RAB3GAP1: variants seen among roughly 807,000 people sequenced by gnomAD.
The protein encoded by RAB3GAP1 is rab3 GTPase-activating protein catalytic subunit.
In RAB3GAP1, 86 loss-of-function variants were observed where a neutral mutation model predicts 130.7. The ratio of observed to expected loss-of-function variants is 0.66; its 90% CI spans 0.55 to 0.79. RAB3GAP1 has a LOEUF of 0.79. Ranked by LOEUF, RAB3GAP1 falls within the 30% of genes least tolerant of loss-of-function variation. RAB3GAP1 has a pLI of 0.00. For synonymous variants in RAB3GAP1, 367 were observed against 401.7 expected (o/e 0.91, Z 1.03); for missense variants, 1,029 against 1,169.4 (o/e 0.88, Z 1.75).
chr2:135,099,632 T>C (rs1443860416), intron 5 of RAB3GAP1, among the ~76,000 whole-genome samples: 1 of 152,122 alleles, frequency 6.6e-6, no homozygotes, highest in East Asian at 1.9e-4. Context: ...TGTTCTCTTT[T>C]ATTTTCTTTG....
Position 135,109,696 on chromosome 2 carries a change from C to T in RAB3GAP1, c.363-3455C>T, listed in dbSNP as rs188900728. On this transcript the variant is annotated intron_variant, in intron 5 of 23. Transcript: ENST00000264158. ...TCCTGGGTTCACGCCATTCTCCTGC[C>T]TCAGCCTCCTGAGTAGCTGGGACTA... is the stretch of plus-strand genomic sequence containing the variant. Among the ~76,000 whole-genome samples the T allele has an allele frequency of 1.9e-3, 294 of 152,176 alleles. 3 individuals are homozygous for T. The highest frequency in any genetic ancestry group is 6.7e-3 in the African/African-American group (280 of 41,528).
chr2:135,124,292 T>G (rs200651268), intron 9 of RAB3GAP1, 46 bp downstream of exon 9: 1 of 1,513,398 alleles, frequency 6.6e-7, no homozygotes, highest in South Asian at 1.1e-5. Flanking sequence ...TATTTTACTT[T>G]GAATTTATAT....
chr2:135,105,060 T>C (rs1380521052), intron 5 of RAB3GAP1, among the ~76,000 whole-genome samples: 1 of 152,102 alleles, frequency 6.6e-6, no homozygotes, highest in East Asian at 1.9e-4. Context: ...AGAAAAAAGT[T>C]TGGAGAAAAA....
intron 3 of RAB3GAP1, among the ~76,000 whole-genome samples, chr2:135,069,031 A>G (rs970314949): frequency 6.6e-6 from 1 of 152,210 alleles, no homozygotes; most frequent in Non-Finnish European, 1.5e-5. Flanking sequence ...TTACATCTCT[A>G]TTGCTGTGAC....
chr2:135,149,420 A>G lies in RAB3GAP1; in HGVS notation c.1924-949A>G, dbSNP rs534456424. ...CTGTTCTTCACAACAGTGAGTCACA[A>G]TGAGGGTTGAGTGATTGCCCAAGGT... On this transcript the variant is annotated intron_variant, in intron 17 of 23. Coordinates refer to ENST00000264158, the MANE Select transcript of RAB3GAP1 (RefSeq NM_012233.3). Among the ~76,000 whole-genome samples, 5 of 152,284 alleles carry G rather than the reference A, an allele frequency of 3.3e-5. No homozygotes were observed. In the East Asian group the frequency reaches 5.8e-4, roughly 18 times the overall value.
chr2:135,150,609 G>A, intron 18 of RAB3GAP1, 103 bp downstream of exon 18: 2 of 1,460,876 alleles, frequency 1.4e-6, no homozygotes, highest in Non-Finnish European at 1.9e-6. Flanking sequence ...ATGTCTTTTT[G>A]TTAAGTGTTT....
intron 17 of RAB3GAP1, among the ~76,000 whole-genome samples, chr2:135,137,951 A>C (rs2104955630): frequency 6.6e-6 from 1 of 151,588 alleles, no homozygotes; most frequent in East Asian, 1.9e-4. Flanking sequence ...GCAGCTTCTC[A>C]AGTAGCTGGA....
Position 135,150,448 on chromosome 2 carries a change from C to T in RAB3GAP1, c.2003C>T (p.Ala668Val), listed in dbSNP as rs559204203. The T allele has an allele frequency of 6.2e-7, 1 of 1,614,140 alleles. No homozygotes were observed. The highest frequency in any genetic ancestry group is 1.7e-5 in the Admixed American group (1 of 60,018). Reference protein sequence around the residue: ...LAKLGTSAEGAHLRARMQSAC... With the variant: ...LAKLGTSAEGVHLRARMQSAC... ...AAATTAGGTACATCGGCAGAGGGGG[C>T]TCACCTTCGAGCACGCATGCAGAGT... is the stretch of plus-strand genomic sequence containing the variant. Residue 668 changes from alanine (A) to valine (V), a missense_variant, in exon 18 of 24, where the codon GCT becomes GTT. Ala to Val is a moderately conservative substitution (Grantham distance 64). This residue lies in a region of RAB3GAP1 where 373 missense variants were observed against 493.6 expected (regional missense o/e 0.76). Transcript: ENST00000264158.
At chr2:135,166,166 CAAAA>C (rs199588862) in intron 23 of RAB3GAP1, among the ~76,000 whole-genome samples, 4 of 102,798 alleles carry the variant, frequency 3.9e-5, no homozygotes, top group African/African-American at 1.5e-4. Flanking sequence ...AACTCCATCT[CAAAA>C]AAAAAAAAAA....
At chr2:135,105,565 G>C (rs1380305349) in intron 5 of RAB3GAP1, among the ~76,000 whole-genome samples, 2 of 152,058 alleles carry the variant, frequency 1.3e-5, no homozygotes, top group African/African-American at 4.8e-5. Context: ...GTGCAGTGGC[G>C]TGATCTCGGC....
chr2:135,113,560 C>A (rs1301566919), intron 6 of RAB3GAP1, among the ~76,000 whole-genome samples: 1 of 152,132 alleles, frequency 6.6e-6, no homozygotes, highest in Non-Finnish European at 1.5e-5. Flanking sequence ...AATCACAGGG[C>A]AACTGATCAG....
At chr2:135,119,141 C>T (rs2104925589) in intron 7 of RAB3GAP1, among the ~76,000 whole-genome samples, 1 of 138,846 alleles carries the variant, frequency 7.2e-6, no homozygotes, top group East Asian at 2.6e-4. Context: ...CAGGGCTTCA[C>T]TCTGTCACCC....
intron 3 of RAB3GAP1, among the ~76,000 whole-genome samples, chr2:135,072,055 G>A (rs747543918): frequency 6.6e-6 from 1 of 152,198 alleles, no homozygotes; most frequent in Non-Finnish European, 1.5e-5. Context: ...TGCGACCACA[G>A]GTGTGCACCA....
At chr2:135,117,501 T>TCTTCTG (rs1691020754) in intron 7 of RAB3GAP1, among the ~76,000 whole-genome samples, 2 of 122,950 alleles carry the variant, frequency 1.6e-5, no homozygotes, top group East Asian at 2.4e-4. Flanking sequence ...TTCTGCTTCT[T>TCTTCTG]CTTCTTCTTC....
At chr2:135,159,823 A>T (rs1245061981) in intron 19 of RAB3GAP1, among the ~76,000 whole-genome samples, 3 of 152,274 alleles carry the variant, frequency 2.0e-5, no homozygotes, top group African/African-American at 7.2e-5. Context: ...TGAAGCACTG[A>T]TATGTGTTAC....
chr2:135,071,799 C>T (rs1449466564), intron 3 of RAB3GAP1, among the ~76,000 whole-genome samples: 1 of 152,226 alleles, frequency 6.6e-6, no homozygotes, highest in Non-Finnish European at 1.5e-5. Flanking sequence ...CCAACCACTT[C>T]CTGCTAACCA....
intron 3 of RAB3GAP1, among the ~76,000 whole-genome samples, chr2:135,064,299 T>C (rs913911183): frequency 3.3e-5 from 5 of 152,130 alleles, no homozygotes; most frequent in African/African-American, 1.2e-4. Context: ...CTCTACTCTT[T>C]TTCTGTGACT....
At chr2:135,149,371 TA>T (rs1692098976) in intron 17 of RAB3GAP1, among the ~76,000 whole-genome samples, 1 of 152,220 alleles carries the variant, frequency 6.6e-6, no homozygotes, top group African/African-American at 2.4e-5. Context: ...TAATTGCTAG[TA>T]TCTATCGAGC....
chr2:135,126,782 T>G (rs1691362116), intron 11 of RAB3GAP1, 126 bp downstream of exon 11: 2 of 821,716 alleles, frequency 2.4e-6, no homozygotes, highest in Non-Finnish European at 4.3e-6. Context: ...AAAAAATCAT[T>G]GCCAATAGCA....
Sources: allele counts gnomAD v4.1 joint callset (sites outside exome capture counted in the v4.1 genomes callset), GRCh38; gene constraint gnomAD v4.1.1; regional missense constraint gnomAD v4.1.1; transcripts MANE v1.5; gene names NCBI Gene and HGNC (gene_info 2026-07-23, HGNC 2026-07-21).